FGF13: variants seen among roughly 807,000 people sequenced by gnomAD.
The protein encoded by FGF13 is fibroblast growth factor 13.
FGF13 carries 2 observed loss-of-function variants against 19.5 expected under a neutral mutation model. The ratio of observed to expected loss-of-function variants is 0.10; its 90% CI spans 0.04 to 0.32. FGF13 has a LOEUF of 0.32. Among genes scored for constraint, FGF13 ranks in the 10% least tolerant of loss-of-function variants. The pLI is 1.00. For synonymous variants in FGF13, 72 were observed against 76.9 expected, an observed-to-expected ratio of 0.94 and a Z score of 0.33; for missense variants, 113 against 192.7, an observed-to-expected ratio of 0.59 and a Z score of 2.45.
intron 1 of FGF13, among the ~76,000 whole-genome samples, chrX:138,736,791 G>C (rs2090278597): frequency 9.1e-6 from 1 of 109,679 alleles, no homozygotes; most frequent in South Asian, 4.1e-4. Flanking sequence ...TGCTGTTTGA[G>C]AAACTCTAAG....
At chrX:139,131,908 C>T (rs907911686) in intron 1 of FGF13, among the ~76,000 whole-genome samples, 3 of 111,605 alleles carry the variant, frequency 2.7e-5, no homozygotes, top group Non-Finnish European at 3.8e-5. Context: ...TAAGCTTGCA[C>T]GAGTTTTATA....
chrX:138,849,783 G>A (rs2091210178), intron 3 of FGF13, among the ~76,000 whole-genome samples: 1 of 112,055 alleles, frequency 8.9e-6, no homozygotes, highest in African/African-American at 3.2e-5. Context: ...TCTTGGCCTT[G>A]AAAGGGGAAG....
At chrX:138,730,345 A>C (rs777945970) in intron 1 of FGF13, among the ~76,000 whole-genome samples, 4 of 111,649 alleles carry the variant, frequency 3.6e-5, no homozygotes, top group Non-Finnish European at 7.5e-5. Flanking sequence ...TAATAAAAAA[A>C]TAATAATAAT....
chrX:139,122,917 G>A (rs1017263741), intron 1 of FGF13, among the ~76,000 whole-genome samples: 2 of 111,679 alleles, frequency 1.8e-5, no homozygotes, highest in African/African-American at 3.3e-5. Context: ...ATAATTCTTT[G>A]TTGTGAGAGG....
At chrX:139,031,845 G>A (rs183712660) in intron 1 of FGF13, among the ~76,000 whole-genome samples, 45 of 110,875 alleles carry the variant, frequency 4.1e-4, no homozygotes, top group African/African-American at 1.4e-3. Flanking sequence ...GAAATAATAT[G>A]TAAATTGTGC....
At chrX:139,149,328 C>G (rs2083914756) in intron 1 of FGF13, among the ~76,000 whole-genome samples, 1 of 112,005 alleles carries the variant, frequency 8.9e-6, no homozygotes, top group African/African-American at 3.2e-5. Flanking sequence ...GATTTAAAAT[C>G]AGAAATATGG....
At chrX:138,929,235 C>G (rs866959880) in intron 1 of FGF13, among the ~76,000 whole-genome samples, 7 of 97,790 alleles carry the variant, frequency 7.2e-5, no homozygotes, top group African/African-American at 1.1e-4. Context: ...GAGGAAAACT[C>G]TGTGTGTGTG....
At chrX:138,860,715 G>C (rs1221278705) in intron 2 of FGF13, among the ~76,000 whole-genome samples, 2 of 112,199 alleles carry the variant, frequency 1.8e-5, no homozygotes, top group Non-Finnish European at 3.8e-5. Context: ...AATTCAACTT[G>C]ACTCTTCAAG....
intron 1 of FGF13, among the ~76,000 whole-genome samples, chrX:139,201,812 A>C (rs1450424360): frequency 8.9e-6 from 1 of 112,419 alleles, no homozygotes; most frequent in Non-Finnish European, 1.9e-5. Context: ...TGGCTACTAC[A>C]CACTTAATAT....
chrX:138,728,427 C>T (rs2124285001), intron 1 of FGF13, among the ~76,000 whole-genome samples: 1 of 111,907 alleles, frequency 8.9e-6, no homozygotes, highest in South Asian at 3.7e-4. Flanking sequence ...ATTGCTTACT[C>T]AAGTATGCAC....
chrX:138,911,700 A>G (rs1401947563), intron 1 of FGF13, among the ~76,000 whole-genome samples: 1 of 112,023 alleles, frequency 8.9e-6, no homozygotes, highest in Non-Finnish European at 1.9e-5. Flanking sequence ...AAGGGCCTTC[A>G]CTGCTCTGAA....
At chrX:138,937,941 G>A (rs761448383) in intron 1 of FGF13, among the ~76,000 whole-genome samples, 14 of 111,484 alleles carry the variant, frequency 1.3e-4, no homozygotes, top group African/African-American at 4.6e-4. Flanking sequence ...GCAGGATGTA[G>A]ATGAAGGCAA....
In FGF13 at chrX:138,985,709, T is replaced by A. The variant is rs759776469; in HGVS notation, c.-112-121059A>T. Among the ~76,000 whole-genome samples, 13 of 112,098 alleles carry A rather than the reference T, an allele frequency of 1.2e-4. No homozygotes were observed. The South Asian group carries it at 4.5e-3, about 39-fold the overall frequency. On this transcript the variant is annotated intron_variant, in intron 1 of 2. Coordinates refer to the FGF13 transcript ENST00000421460. ...TAATTTGCCTAAGTGTCTTATCACT[T>A]AGTCTTAAAGAAATGGGTTATTACT...
At chrX:138,741,016 C>T (rs989464577), upstream of FGF13, among the ~76,000 whole-genome samples, 4 of 112,161 alleles carry the variant, frequency 3.6e-5, no homozygotes, top group Non-Finnish European at 7.5e-5. Flanking sequence ...GCTCAGGCCA[C>T]CAGGTAAAAA....
intron 1 of FGF13, among the ~76,000 whole-genome samples, chrX:138,738,644 T>C (rs1398292011): frequency 9.0e-6 from 1 of 111,691 alleles, no homozygotes; most frequent in African/African-American, 3.3e-5. Context: ...GAGGAACAGA[T>C]ACTCTCCTAG....
intron 1 of FGF13, among the ~76,000 whole-genome samples, chrX:138,927,969 T>C (rs1216535921): frequency 6.2e-5 from 7 of 112,290 alleles, no homozygotes; most frequent in African/African-American, 2.3e-4. Context: ...AATAATTATT[T>C]AGGACAATTA....
chrX:138,723,555 G>A (rs1436933667), intron 1 of FGF13, among the ~76,000 whole-genome samples: 12 of 111,155 alleles, frequency 1.1e-4, no homozygotes, highest in African/African-American at 3.6e-4. Flanking sequence ...TAATCTCACC[G>A]GTTGGCGATG....
intron 1 of FGF13, among the ~76,000 whole-genome samples, chrX:139,093,187 T>C (rs1015756184): frequency 1.4e-4 from 16 of 112,157 alleles, no homozygotes; most frequent in African/African-American, 5.2e-4. Context: ...GATGTAAAAT[T>C]AGTCAGTTGG....
chrX:139,039,206 G>A (rs1229855691), intron 1 of FGF13, among the ~76,000 whole-genome samples: 2 of 112,044 alleles, frequency 1.8e-5, no homozygotes, highest in African/African-American at 6.5e-5. Context: ...CCACAAAGTG[G>A]CATTCATTAT....
Sources: gnomAD v4.1 joint callset for allele counts (sites outside exome capture counted in the v4.1 genomes callset) on GRCh38, gnomAD v4.1.1 for gene constraint, MANE v1.5 for transcripts, NCBI Gene and HGNC (gene_info 2026-07-23, HGNC 2026-07-21) for gene names.